The following CDKN2D variants were observed in gnomAD, a reference collection of about 807,000 sequenced individuals.
CDKN2D encodes cyclin dependent kinase inhibitor 2D, also known as cyclin-dependent kinase 4 inhibitor D.
In CDKN2D, 3 loss-of-function variants were observed where a neutral mutation model predicts 4.7. The ratio of observed to expected loss-of-function variants is 0.64; its 90% CI spans 0.29 to 1.66. The LOEUF (loss-of-function observed/expected upper bound fraction) is 1.66. Among genes scored for constraint, CDKN2D ranks in the 40% most tolerant of loss-of-function variants. The pLI is 0.10. For synonymous variants in CDKN2D, 91 were observed against 102.3 expected (o/e 0.89, Z 0.67); for missense variants, 196 against 230.9 (o/e 0.85, Z 0.98).
Position 10,568,767 on chromosome 19 carries a change from A to G in CDKN2D, c.-114T>C. ...CCCTCCCGGGGCGCGGCCGCGGTGC[A>G]CCCGGCTGCGCTGCTCTCCCGTCCC... On this transcript the variant is annotated 5_prime_UTR_variant, in exon 1 of 2. Coordinates refer to ENST00000393599, the MANE Select transcript of CDKN2D (RefSeq NM_001800.4). 1.5e-6 allele frequency: 1 copy of G among 661,284 alleles called. No homozygotes were observed. The highest frequency in any genetic ancestry group is 2.1e-6 in the Non-Finnish European group (1 of 477,328). 41.0% of individuals were successfully genotyped at this position (661,284 alleles called of 1,614,324 possible). A position where few individuals can be genotyped will look rare whatever the true frequency, so the allele number is the denominator to read the frequency against.
chr19:10,568,368 T>C, intron 1 of CDKN2D, 145 bp downstream of exon 1: 1 of 721,624 alleles, frequency 1.4e-6, no homozygotes, highest in Non-Finnish European at 1.9e-6. Context: ...GAAGGGGGAC[T>C]GTGGGGGAAC....
At position 10,568,701 on chromosome 19, in the gene CDKN2D, G is replaced by A. The variant is rs1175105220; in HGVS notation, c.-48C>T. The A allele has an allele frequency of 9.3e-6, 12 of 1,295,500 alleles. No individual in the cohort carries two copies. The highest frequency in any genetic ancestry group is 3.1e-5 in the African/African-American group (2 of 64,748). The allele number at this position is 1,295,500 out of a possible 1,614,324, so 80.3% of individuals were successfully genotyped here. A position where few individuals can be genotyped will look rare whatever the true frequency, so the allele number is the denominator to read the frequency against. On this transcript the variant is annotated 5_prime_UTR_variant, in exon 1 of 2. Coordinates refer to ENST00000393599, the MANE Select transcript of CDKN2D (RefSeq NM_001800.4). ...GCCCCCCGCCCCGCCCCAGCCCGGC[G>A]CTGTCAGCGCGGAGCAGCCGGCGGG...
chr19:10,568,496 G>A lies in CDKN2D; in HGVS notation c.141+17C>T. ...CGCTTAGCCGCCCCGCCCCAACCTG[G>A]ACCGGCCCGGCCTCACCTGCAGCGC... On this transcript the variant is annotated intron_variant, in intron 1 of 1. Coordinates refer to ENST00000393599, the MANE Select transcript of CDKN2D (RefSeq NM_001800.4). 2 of 1,364,094 alleles carry A rather than the reference G, an allele frequency of 1.5e-6. No individual in the cohort carries two copies. The highest frequency in any genetic ancestry group is 1.9e-6 in the Non-Finnish European group (2 of 1,052,796). 84.5% of individuals were successfully genotyped at this position (1,364,094 alleles called of 1,614,324 possible). A position where few individuals can be genotyped will look rare whatever the true frequency, so the allele number is the denominator to read the frequency against.
chr19:10,567,149 G>T lies in CDKN2D; in HGVS notation c.410C>A (p.Ala137Asp). ...CAGCTCCAAGGGTGTGAGACCCCTGGCGTCCCTGCGATGGAGATCAGATTC... is the reference window on the plus strand; with the variant it reads ...CAGCTCCAAGGGTGTGAGACCCCTGTCGTCCCTGCGATGGAGATCAGATTC... The part of the protein sequence containing the change: ...AAESDLHRRD[A>D]RGLTPLELAL... The change falls in exon 2 of 2, where the codon GCC (alanine) becomes GAC (aspartate). Residue 137 changes from alanine (A) to aspartate (D), a missense_variant. Transcript: ENST00000393599. 1 of 1,614,078 alleles carries T rather than the reference G, an allele frequency of 6.2e-7. No individual in the cohort carries two copies. The highest frequency in any genetic ancestry group is 1.1e-5 in the South Asian group (1 of 91,084).
In CDKN2D at chr19:10,568,743, C is replaced by G; in HGVS notation, c.-90G>C. The G allele has an allele frequency of 2.1e-6, 2 of 971,690 alleles. No individual in the cohort carries two copies. The highest frequency in any genetic ancestry group is 2.6e-6 in the Non-Finnish European group (2 of 755,576). 60.2% of individuals were successfully genotyped at this position (971,690 alleles called of 1,614,324 possible). ...GCCGGCGGGCGCTGGCCCGAACAGC[C>G]CTCCCGGGGCGCGGCCGCGGTGCAC... On this transcript the variant is annotated 5_prime_UTR_variant, in exon 1 of 2. Transcript: ENST00000393599.
Position 10,566,567 on chromosome 19 carries a change from C to G in CDKN2D, c.*491G>C, listed in dbSNP as rs1916901018. ...AATCCATTTCTTTTAAAACGCTGTA[C>G]AAGAGACTGGAAAACAAGCTTCCAA... On this transcript the variant is annotated 3_prime_UTR_variant, in exon 2 of 2. Transcript: ENST00000393599. 4.1e-6 allele frequency: 1 copy of G among 241,524 alleles called. No individual in the cohort carries two copies. The highest frequency in any genetic ancestry group is 1.3e-4 in the South Asian group (1 of 7,554). The allele number at this position is 241,524 out of a possible 1,614,324, so 15.0% of individuals were successfully genotyped here.
At chr19:10,567,769 C>T (rs184935659) in intron 1 of CDKN2D, among the ~76,000 whole-genome samples, 1 of 151,664 alleles carries the variant, frequency 6.6e-6, no homozygotes, top group East Asian at 1.9e-4. Flanking sequence ...AAATGGGCCC[C>T]CAGAGATGGA....
At chr19:10,568,192 C>T (rs1204276287) in intron 1 of CDKN2D, among the ~76,000 whole-genome samples, 2 of 152,116 alleles carry the variant, frequency 1.3e-5, no homozygotes, top group Non-Finnish European at 2.9e-5. Context: ...CGTGAGCCGT[C>T]CCCATGGAAA....
chr19:10,568,630 G>A lies in CDKN2D; in HGVS notation c.24C>T (p.Ala8=). 2 of 1,508,118 alleles carry A rather than the reference G, an allele frequency of 1.3e-6. No homozygotes were observed. Among genetic ancestry groups the A allele is most frequent in the Non-Finnish European group, 8.8e-7 (1 of 1,135,254 alleles). 93.4% of individuals were successfully genotyped at this position (1,508,118 alleles called of 1,614,324 possible). A position where few individuals can be genotyped will look rare whatever the true frequency, so the allele number is the denominator to read the frequency against. Reference sequence around the variant, plus strand: ...CCGCCGCCCCACTCAGCCGGTCGCCGGCGCGAACCTCCTCCAGCAGCATGT... The same window carrying A: ...CCGCCGCCCCACTCAGCCGGTCGCCAGCGCGAACCTCCTCCAGCAGCATGT... MLLEEVR[A]GDRLSGAAAR... is the part of the protein sequence containing the mutation. The change falls in exon 1 of 2, where the codon GCC becomes GCT. Residue 8 remains alanine (A), a synonymous_variant. Coordinates refer to ENST00000393599, the MANE Select transcript of CDKN2D (RefSeq NM_001800.4).
Position 10,567,429 on chromosome 19 carries a change from A to G in CDKN2D, c.142-12T>C, listed in dbSNP as rs771517330. 1 of 1,605,874 alleles carries G rather than the reference A, an allele frequency of 6.2e-7. No homozygotes were observed. The highest frequency in any genetic ancestry group is 8.5e-7 in the Non-Finnish European group (1 of 1,174,676). ...CCAAACATCATGACCTGTGTGAGGG[A>G]CAGAGGATCAGGAGGTCCTCAAGGG... is the stretch of plus-strand genomic sequence containing the variant. On this transcript the variant is annotated splice_polypyrimidine_tract_variant and intron_variant, in intron 1 of 1. Coordinates refer to ENST00000393599, the MANE Select transcript of CDKN2D (RefSeq NM_001800.4).
In CDKN2D at chr19:10,567,158, C is replaced by T. The variant is rs1267326203; in HGVS notation, c.401G>A (p.Arg134His). 5 of 1,614,130 alleles carry T rather than the reference C, an allele frequency of 3.1e-6. No individual in the cohort carries two copies. The highest frequency in any genetic ancestry group is 4.2e-6 in the Non-Finnish European group (5 of 1,180,024). Residue 134 changes from arginine (R) to histidine (H), a missense_variant, in exon 2 of 2, where the codon CGC (arginine) becomes CAC (histidine). By Grantham distance (29) the Arg-to-His change is conservative (BLOSUM62 0). Transcript: ENST00000393599. Reference sequence around the variant, plus strand: ...GGGTGTGAGACCCCTGGCGTCCCTGCGATGGAGATCAGATTCAGCTGCCAG... The same window carrying T: ...GGGTGTGAGACCCCTGGCGTCCCTGTGATGGAGATCAGATTCAGCTGCCAG... ...SFLAAESDLH[R>H]RDARGLTPLE...
Position 10,568,814 on chromosome 19 carries a change from G to T in CDKN2D, c.-161C>A, listed in dbSNP as rs961485662. The T allele has an allele frequency of 2.5e-6, 1 of 399,052 alleles. No homozygotes were observed. The highest frequency in any genetic ancestry group is 4.1e-6 in the Non-Finnish European group (1 of 243,810). 24.7% of individuals were successfully genotyped at this position (399,052 alleles called of 1,614,324 possible). On this transcript the variant is annotated 5_prime_UTR_variant, in exon 1 of 2. Transcript: ENST00000393599. ...TCCCGGCTCCCCAGCCCGAGACCCC[G>T]GCCCTCCCGGCGGGCTCCTCCCCCT... is the stretch of plus-strand genomic sequence containing the variant.
In CDKN2D at chr19:10,566,937, A is replaced by T. The variant is rs1916912269; in HGVS notation, c.*121T>A. 1 of 1,078,982 alleles carries T rather than the reference A, an allele frequency of 9.3e-7. No individual in the cohort carries two copies. Among genetic ancestry groups the T allele is most frequent in the Non-Finnish European group, 1.3e-6 (1 of 752,702 alleles). 66.8% of individuals were successfully genotyped at this position (1,078,982 alleles called of 1,614,324 possible). A position where few individuals can be genotyped will look rare whatever the true frequency, so the allele number is the denominator to read the frequency against. ...CCCAAAACCAACACCTATAAGCCACAAACTGTGCTCCTCCCCTACTGCAGC... is the reference window on the plus strand; with the variant it reads ...CCCAAAACCAACACCTATAAGCCACTAACTGTGCTCCTCCCCTACTGCAGC... On this transcript the variant is annotated 3_prime_UTR_variant, in exon 2 of 2. Transcript: ENST00000393599.
chr19:10,568,634 C>T lies in CDKN2D; in HGVS notation c.20G>A (p.Arg7His). The change falls in exon 1 of 2, where the codon CGC (arginine) becomes CAC (histidine). Residue 7 changes from arginine (R) to histidine (H), a missense_variant. Transcript: ENST00000393599. MLLEEV[R>H]AGDRLSGAAA... ...CGCCCCACTCAGCCGGTCGCCGGCG[C>T]GAACCTCCTCCAGCAGCATGTCGAC... 6.6e-7 allele frequency: 1 copy of T among 1,506,680 alleles called. No individual in the cohort carries two copies. Among genetic ancestry groups the T allele is most frequent in the Non-Finnish European group, 8.8e-7 (1 of 1,134,510 alleles). The allele number at this position is 1,506,680 out of a possible 1,614,324, so 93.3% of individuals were successfully genotyped here.
At position 10,567,207 on chromosome 19, in the gene CDKN2D, C is replaced by T. The variant is rs374656536; in HGVS notation, c.352G>A (p.Gly118Ser). The change falls in exon 2 of 2, where the codon GGT (glycine) becomes AGT (serine). Residue 118 changes from glycine (G) to serine (S), a missense_variant. Coordinates refer to ENST00000393599, the MANE Select transcript of CDKN2D (RefSeq NM_001800.4). ...AGAAAGCTGACCACAGCAGTGTGAC[C>T]CTCTTGAACTGCCAGATGGATTGGA... ...ALPIHLAVQE[G>S]HTAVVSFLAA... is the part of the protein sequence containing the mutation. 4.3e-6 allele frequency: 7 copies of T among 1,614,024 alleles called. No individual in the cohort carries two copies. The highest frequency in any genetic ancestry group is 5.9e-6 in the Non-Finnish European group (7 of 1,180,020).
In CDKN2D at chr19:10,567,143, C is replaced by A. The variant is rs758625264; in HGVS notation, c.416G>T (p.Gly139Val). ...CAGTGCCAGCTCCAAGGGTGTGAGA[C>A]CCCTGGCGTCCCTGCGATGGAGATC... ...ESDLHRRDARGLTPLELALQR... is the reference protein window; with the variant it reads ...ESDLHRRDARVLTPLELALQR... The change falls in exon 2 of 2, where the codon GGT (glycine) becomes GTT (valine). Residue 139 changes from glycine (G) to valine (V), a missense_variant. Gly to Val is a moderately radical substitution (Grantham distance 109). Coordinates refer to ENST00000393599, the MANE Select transcript of CDKN2D (RefSeq NM_001800.4). The A allele has an allele frequency of 1.2e-6, 2 of 1,614,070 alleles. No individual in the cohort carries two copies. Among genetic ancestry groups the A allele is most frequent in the Non-Finnish European group, 1.7e-6 (2 of 1,180,026 alleles).
Position 10,568,637 on chromosome 19 carries a change from A to G in CDKN2D, c.17T>C (p.Val6Ala). ...CCCACTCAGCCGGTCGCCGGCGCGA[A>G]CCTCCTCCAGCAGCATGTCGACACT... Reference protein sequence around the residue: MLLEEVRAGDRLSGAA... With the variant: MLLEEARAGDRLSGAA... Residue 6 changes from valine (V) to alanine (A), a missense_variant, in exon 1 of 2, where the codon GTT (valine) becomes GCT (alanine). Val to Ala is a moderately conservative substitution (Grantham distance 64, BLOSUM62 0). Transcript: ENST00000393599. 1 of 1,500,940 alleles carries G rather than the reference A, an allele frequency of 6.7e-7. No individual in the cohort carries two copies. Among genetic ancestry groups the G allele is most frequent in the Non-Finnish European group, 8.8e-7 (1 of 1,131,178 alleles). The allele number at this position is 1,500,940 out of a possible 1,614,324, so 93.0% of individuals were successfully genotyped here.
chr19:10,567,950 G>A (rs537092626), intron 1 of CDKN2D, among the ~76,000 whole-genome samples: 2 of 152,068 alleles, frequency 1.3e-5, no homozygotes, highest in East Asian at 1.9e-4. Context: ...AAAGAGAAAC[G>A]AGACTTCCCT....
Position 10,567,162 on chromosome 19 carries a change from G to A in CDKN2D, c.397C>T (p.His133Tyr). The A allele has an allele frequency of 6.2e-7, 1 of 1,614,156 alleles. No individual in the cohort carries two copies. Reference sequence around the variant, plus strand: ...GTGAGACCCCTGGCGTCCCTGCGATGGAGATCAGATTCAGCTGCCAGAAAG... The same window carrying A: ...GTGAGACCCCTGGCGTCCCTGCGATAGAGATCAGATTCAGCTGCCAGAAAG... ...VSFLAAESDL[H>Y]RRDARGLTPL... Residue 133 changes from histidine (H) to tyrosine (Y), a missense_variant, in exon 2 of 2, where the codon CAT becomes TAT. Physicochemically the swap from His to Tyr is moderately conservative, Grantham distance 83. Transcript: ENST00000393599.
Sources: allele counts gnomAD v4.1 joint callset (sites outside exome capture counted in the v4.1 genomes callset), GRCh38; gene constraint gnomAD v4.1.1; transcripts MANE v1.5; gene names NCBI Gene and HGNC (gene_info 2026-07-23, HGNC 2026-07-21).